SEZ6L2: variants seen among roughly 807,000 people sequenced by gnomAD.
SEZ6L2 encodes seizure related 6 homolog like 2.
Under a neutral mutation model 97.0 loss-of-function variants are expected in SEZ6L2, and 44 were observed. That is an observed-to-expected ratio of 0.45 (90% CI 0.36 to 0.58). SEZ6L2 has a LOEUF of 0.58. SEZ6L2 is among the 20% of genes least tolerant of loss of function. The probability of loss-of-function intolerance (pLI) is 0.00; values close to 1 mark genes in which losing one functional copy is unlikely to be tolerated. For synonymous variants in SEZ6L2, 543 were observed against 546.1 expected (o/e 0.99, Z 0.08); for missense variants, 1,086 against 1,233.3 (o/e 0.88, Z 1.79).
Position 29,871,660 on chromosome 16 carries a change from G to A in SEZ6L2, c.*39C>T. 1.9e-6 allele frequency: 3 copies of A among 1,597,890 alleles called. No homozygotes were observed. The highest frequency in any genetic ancestry group is 2.6e-6 in the Non-Finnish European group (3 of 1,171,508). On this transcript the variant is annotated 3_prime_UTR_variant, in exon 18 of 18. Coordinates refer to ENST00000617533, the MANE Select transcript of SEZ6L2 (RefSeq NM_001243332.2). ...ATTTCCCTCTGCCCGAATGAGGAGG[G>A]GAGGGGCGTCCTGGGTCCTGCAGCT...
At chr16:29,874,550 G>GGTTTTTT (rs2067858857) in intron 12 of SEZ6L2, among the ~76,000 whole-genome samples, 1 of 32,528 alleles carries the variant, frequency 3.1e-5, no homozygotes, top group Non-Finnish European at 7.0e-5. Context: ...GTGTGTGCTT[G>GGTTTTTT]TTTTTTTTTT....
At chr16:29,887,487 T>G (rs1204942089) in intron 7 of SEZ6L2, among the ~76,000 whole-genome samples, 162 bp downstream of exon 7, 2 of 142,380 alleles carry the variant, frequency 1.4e-5, no homozygotes, top group East Asian at 4.4e-4. Context: ...TTTTTTTTTG[T>G]ATTTTTAGTA....
Position 29,895,247 on chromosome 16 carries a change from C to T in SEZ6L2, c.853+12G>A. The T allele has an allele frequency of 6.3e-7, 1 of 1,587,764 alleles. No individual in the cohort carries two copies. Among genetic ancestry groups the T allele is most frequent in the Non-Finnish European group, 8.6e-7 (1 of 1,159,596 alleles). ...GCCCCTGCCCTTCCAGCAGCACCCT[C>T]AAACTCCTCACCCTGATAGTGGATC... is the stretch of plus-strand genomic sequence containing the variant. On this transcript the variant is annotated intron_variant, in intron 5 of 17. Transcript: ENST00000617533.
At position 29,873,229 on chromosome 16, in the gene SEZ6L2, TG is replaced by T; in HGVS notation, c.2488+10del. 7 of 1,613,418 alleles carry T rather than the reference TG, an allele frequency of 4.3e-6. No homozygotes were observed. The highest frequency in any genetic ancestry group is 5.9e-6 in the Non-Finnish European group (7 of 1,179,782). On this transcript the variant is annotated intron_variant, in intron 14 of 17. Coordinates refer to ENST00000617533, the MANE Select transcript of SEZ6L2 (RefSeq NM_001243332.2). This position sits in a 1 kb window ranked among gnomAD's most constrained non-coding sequence, Gnocchi z 4.3. ...ACTGGTGTGCCCCTCCTGCCCTGTC[TG>T]GCCAGGCACCTTTGCAGAGTGGGGG...
In SEZ6L2 at chr16:29,872,253, C is replaced by G. The variant is rs568381323; in HGVS notation, c.2676G>C (p.Ser892=). 1.2e-6 allele frequency: 2 copies of G among 1,612,272 alleles called. No individual in the cohort carries two copies. Among genetic ancestry groups the G allele is most frequent in the East Asian group, 2.2e-5 (1 of 44,856 alleles). ...TGATGGGGCTGTAGGAGTGGGAGCC[C>G]GAGAAGCCGAAAAGGGACTTTCCCT... ...KLQGKSLFGF[S]GSHSYSPITV... is the part of the protein sequence containing the mutation. The change falls in exon 17 of 18, where the codon TCG becomes TCC. Residue 892 remains serine (S), a synonymous_variant. Coordinates refer to ENST00000617533, the MANE Select transcript of SEZ6L2 (RefSeq NM_001243332.2).
In SEZ6L2 at chr16:29,872,495, C is replaced by T. The variant is rs765895935; in HGVS notation, c.2559G>A (p.Leu853=). Residue 853 remains leucine (L), a synonymous_variant, in exon 16 of 18, where the codon CTG becomes CTA. Coordinates refer to ENST00000617533, the MANE Select transcript of SEZ6L2 (RefSeq NM_001243332.2). ...VTQTTDPSRQ[L]EGGNLALAIL... ...TGGCCAGGGCCAGGTTCCCCCCTTC[C>T]AGCTGCCGTGATGGATCTGTGGTCT... 1.2e-6 allele frequency: 2 copies of T among 1,614,236 alleles called. No homozygotes were observed. The highest frequency in any genetic ancestry group is 1.7e-5 in the Admixed American group (1 of 60,022).
intron 8 of SEZ6L2, among the ~76,000 whole-genome samples, chr16:29,881,881 C>T (rs2068038248): frequency 6.7e-6 from 1 of 149,634 alleles, no homozygotes; most frequent in Non-Finnish European, 1.5e-5. Flanking sequence ...CCACCCGCCT[C>T]AGCCTCCCAA....
intron 5 of SEZ6L2, among the ~76,000 whole-genome samples, chr16:29,893,153 C>T (rs1232310506): frequency 6.6e-6 from 1 of 151,582 alleles, no homozygotes; most frequent in African/African-American, 2.4e-5. Context: ...GGAGAAACCC[C>T]GTCTCTACTA....
chr16:29,881,366 A>G (rs1391889437), intron 8 of SEZ6L2, among the ~76,000 whole-genome samples: 4 of 152,138 alleles, frequency 2.6e-5, no homozygotes, highest in Non-Finnish European at 4.4e-5. Flanking sequence ...ATAGCGGGTA[A>G]GGGGAGGGGT....
Position 29,897,031 on chromosome 16 carries a change from C to T in SEZ6L2, c.302G>A (p.Gly101Glu). ...AGGGGTGACGGCTGTTGTCAGAGGCCCTGTCCCCGGCTCAGTGGCCCGTGG... is the reference window on the plus strand; with the variant it reads ...AGGGGTGACGGCTGTTGTCAGAGGCTCTGTCCCCGGCTCAGTGGCCCGTGG... ...SLPRATEPGT[G>E]PLTTAVTPNG... The change falls in exon 3 of 18, where the codon GGG (glycine) becomes GAG (glutamate). Residue 101 changes from glycine to glutamate, a missense_variant. Gly to Glu is a moderately conservative substitution (Grantham distance 98). Coordinates refer to ENST00000617533, the MANE Select transcript of SEZ6L2 (RefSeq NM_001243332.2). 1 of 1,580,854 alleles carries T rather than the reference C, an allele frequency of 6.3e-7. No individual in the cohort carries two copies. The highest frequency in any genetic ancestry group is 8.6e-7 in the Non-Finnish European group (1 of 1,169,492).
Position 29,896,832 on chromosome 16 carries a change from C to T in SEZ6L2, c.501G>A (p.Val167=), listed in dbSNP as rs1173036517. Residue 167 remains valine, a synonymous_variant, in exon 3 of 18, where the codon GTG becomes GTA. Coordinates refer to ENST00000617533, the MANE Select transcript of SEZ6L2 (RefSeq NM_001243332.2). ...IITTTTVTTT[V]TSPVLCNNNI... is the part of the protein sequence containing the mutation. ...TTGCTGTCGCCTCACCTGGGCTGGT[C>T]ACCGTAGTGGTAACAGTTGTCGTGG... is the stretch of plus-strand genomic sequence containing the variant. 1.2e-6 allele frequency: 2 copies of T among 1,613,714 alleles called. No homozygotes were observed. The highest frequency in any genetic ancestry group is 1.7e-6 in the Non-Finnish European group (2 of 1,179,844).
intron 8 of SEZ6L2, among the ~76,000 whole-genome samples, chr16:29,881,248 C>G (rs2068024049): frequency 6.6e-6 from 1 of 152,114 alleles, no homozygotes; most frequent in Non-Finnish European, 1.5e-5. Context: ...GTCCATAGAC[C>G]AAAAAGCCAC....
chr16:29,883,739 C>T (rs2068074764), intron 8 of SEZ6L2, among the ~76,000 whole-genome samples: 1 of 152,064 alleles, frequency 6.6e-6, no homozygotes, highest in Admixed American at 6.6e-5. Flanking sequence ...GGAGACCAGC[C>T]TGGGCAACAT....
In SEZ6L2 at chr16:29,876,565, G is replaced by A; in HGVS notation, c.2104+191C>T. ...AGAAGATGAGAGGGAGACCCAGAGG[G>A]GACAGTTTCGGGGAACCGGGCGGAG... On this transcript the variant is annotated intron_variant, in intron 12 of 17. Transcript: ENST00000617533. This position sits in a 1 kb window ranked among gnomAD's most constrained non-coding sequence, Gnocchi z 6.5. Among the ~76,000 whole-genome samples, 1 of 152,050 alleles carries A rather than the reference G, an allele frequency of 6.6e-6. No individual in the cohort carries two copies. The highest frequency in any genetic ancestry group is 6.6e-5 in the Admixed American group (1 of 15,250).
rs1270178132 is a variant in SEZ6L2, at chr16:29,895,735, C to T, written c.637G>A (p.Gly213Ser). ...TYSIHVYPGY[G>S]IEIQVQTLNL... is the part of the protein sequence containing the mutation. ...GGTCCAGTTACCTGGATCTCAATGCCGTAGCCAGGGTAGACATGGATGCTG... is the reference window on the plus strand; with the variant it reads ...GGTCCAGTTACCTGGATCTCAATGCTGTAGCCAGGGTAGACATGGATGCTG... The change falls in exon 4 of 18, where the codon GGC (glycine) becomes AGC (serine). Residue 213 changes from glycine (G) to serine (S), a missense_variant. Around this residue, in one of 2 missense-constraint regions of SEZ6L2, gnomAD observed 776 missense variants for 794.7 expected, o/e 0.98. Coordinates refer to ENST00000617533, the MANE Select transcript of SEZ6L2 (RefSeq NM_001243332.2). The T allele has an allele frequency of 2.5e-6, 4 of 1,613,274 alleles. No homozygotes were observed. The highest frequency in any genetic ancestry group is 3.4e-6 in the Non-Finnish European group (4 of 1,179,702).
chr16:29,883,686 C>CT (rs2068073131), intron 8 of SEZ6L2, among the ~76,000 whole-genome samples: 2 of 152,210 alleles, frequency 1.3e-5, no homozygotes, highest in East Asian at 1.9e-4. Context: ...AATCCTAGCA[C>CT]TTTGAGAGGC....
chr16:29,899,028 AC>A lies in SEZ6L2; in HGVS notation c.-10del. The A allele has an allele frequency of 1.3e-6, 2 of 1,598,988 alleles. No homozygotes were observed. The highest frequency in any genetic ancestry group is 8.5e-7 in the Non-Finnish European group (1 of 1,175,334). On this transcript the variant is annotated 5_prime_UTR_variant, in exon 1 of 18. Transcript: ENST00000617533. ...GCCCTGGGAGTCCCCATGGCGACTC[AC>A]CCCGATCTCTCTCCTCTGTGCCTCT...
At position 29,871,568 on chromosome 16, in the gene SEZ6L2, G is replaced by A. The variant is rs1475586556; in HGVS notation, c.*131C>T. On this transcript the variant is annotated 3_prime_UTR_variant, in exon 18 of 18. Transcript: ENST00000617533. Reference sequence around the variant, plus strand: ...TCTCCAGGGCCATCAAAGCCCCCTCGTGGGATAGGGAGACTATTTACACAG... The same window carrying A: ...TCTCCAGGGCCATCAAAGCCCCCTCATGGGATAGGGAGACTATTTACACAG... 19 of 900,520 alleles carry A rather than the reference G, an allele frequency of 2.1e-5. No homozygotes were observed. The highest frequency in any genetic ancestry group is 5.0e-5 in the African/African-American group (3 of 60,390). The allele number at this position is 900,520 out of a possible 1,614,324, so 55.8% of individuals were successfully genotyped here. A position where few individuals can be genotyped will look rare whatever the true frequency, so the allele number is the denominator to read the frequency against.
chr16:29,877,065 A>C, intron 11 of SEZ6L2, 115 bp from the exon 12 acceptor site: 2 of 1,173,750 alleles, frequency 1.7e-6, no homozygotes, highest in Non-Finnish European at 2.4e-6. Flanking sequence ...TCTCTCTCTT[A>C]GAGACAGGGT....
Sources: gnomAD v4.1 joint callset for allele counts (sites outside exome capture counted in the v4.1 genomes callset) on GRCh38, gnomAD v4.1.1 for gene constraint, gnomAD v4.1.1 regional missense constraint, Gnocchi (gnomAD v3.1) non-coding constraint, MANE v1.5 for transcripts, NCBI Gene and HGNC (gene_info 2026-07-23, HGNC 2026-07-21) for gene names.